OMA1: variants seen among roughly 807,000 people sequenced by gnomAD.
OMA1 encodes the protein metalloendopeptidase OMA1, mitochondrial.
Under a neutral mutation model 30.9 loss-of-function variants are expected in OMA1, and 38 were observed. That is an observed-to-expected ratio of 1.23 (90% CI 0.95 to 1.61). The LOEUF is 1.61. Among genes scored for constraint, OMA1 ranks in the 40% most tolerant of loss-of-function variants. OMA1 has a pLI of 0.00. For missense variants in OMA1, 461 were observed against 349.2 expected (o/e 1.32, Z -2.55); for synonymous variants, 173 against 121.9 (o/e 1.42, Z -2.76).
chr1:58,488,138 A>T (rs1028858703), intron 8 of OMA1, among the ~76,000 whole-genome samples: 2 of 152,222 alleles, frequency 1.3e-5, no homozygotes, highest in African/African-American at 2.4e-5. Context: ...GTAAAAACTC[A>T]TGAAAATATA....
At chr1:58,535,469 G>A (rs890497210) in intron 3 of OMA1, among the ~76,000 whole-genome samples, 2 of 151,832 alleles carry the variant, frequency 1.3e-5, no homozygotes, top group East Asian at 1.9e-4. Context: ...GGTGGCGCAC[G>A]CCTGTAGTCC....
rs576234150 is a variant in OMA1, at chr1:58,543,211, T to C, written c.-17+3492A>G. The stretch of plus-strand genomic sequence containing the variant: ...TGAGTTTCTGTATTCTGCAAATAAA[T>C]GATCTCTAAGACGTTTACATGGTAT... On this transcript the variant is annotated intron_variant, in intron 1 of 8. Coordinates refer to ENST00000371226, the MANE Select transcript of OMA1 (RefSeq NM_145243.5). Among the ~76,000 whole-genome samples the C allele has an allele frequency of 5.9e-5, 9 of 152,334 alleles. No homozygotes were observed. The South Asian group carries it at 1.4e-3, about 25-fold the overall frequency.
chr1:58,499,271 G>T (rs1026046161), intron 8 of OMA1, among the ~76,000 whole-genome samples: 1 of 124,250 alleles, frequency 8.0e-6, no homozygotes, highest in Non-Finnish European at 1.6e-5. Flanking sequence ...CAAAAAGTAT[G>T]AAGTTTTGCC....
chr1:58,523,638 A>G (rs6686976), intron 7 of OMA1, among the ~76,000 whole-genome samples: 20,977 of 152,090 alleles, frequency 0.14, 1,622 homozygotes, highest in African/African-American at 0.21. Flanking sequence ...AGTGGCTCAC[A>G]CCTGTAATCC....
intron 8 of OMA1, among the ~76,000 whole-genome samples, chr1:58,497,488 A>G (rs1645822778): frequency 6.6e-6 from 1 of 152,184 alleles, no homozygotes; most frequent in Admixed American, 6.6e-5. Context: ...AGTTCAGGAC[A>G]TATCATTCCA....
chr1:58,529,937 G>A (rs1646408250), intron 6 of OMA1, among the ~76,000 whole-genome samples: 1 of 151,964 alleles, frequency 6.6e-6, no homozygotes, highest in African/African-American at 2.4e-5. Flanking sequence ...CTGGAGTGCA[G>A]TGGCGCAATC....
chr1:58,481,620 T>C (rs1645483697), intron 8 of OMA1, among the ~76,000 whole-genome samples: 1 of 152,172 alleles, frequency 6.6e-6, no homozygotes, highest in Non-Finnish European at 1.5e-5. Flanking sequence ...GTAAAATTGA[T>C]GATAATAACC....
At chr1:58,527,184 A>G (rs1218712905) in intron 7 of OMA1, 77 bp downstream of exon 7, 1 of 809,946 alleles carries the variant, frequency 1.2e-6, no homozygotes, top group African/African-American at 1.7e-5. Context: ...GCTTATGCCA[A>G]GCCTCATTAA....
In OMA1 at chr1:58,545,037, T is replaced by C. The variant is rs182367664; in HGVS notation, c.-17+1666A>G. Among the ~76,000 whole-genome samples the C allele has an allele frequency of 2.1e-3, 317 of 152,294 alleles. 1 individual carries two copies. The highest frequency in any genetic ancestry group is 6.2e-3 in the African/African-American group (258 of 41,552). On this transcript the variant is annotated intron_variant, in intron 1 of 8. Transcript: ENST00000371226. ...GTCATGAGCCACCACGCCTGGACTT[T>C]CGTTGGTTTTCCATGGCTTCCACAA...
At chr1:58,545,467 T>C (rs1186057559) in intron 1 of OMA1, among the ~76,000 whole-genome samples, 1 of 151,748 alleles carries the variant, frequency 6.6e-6, no homozygotes, top group Non-Finnish European at 1.5e-5. Context: ...AATCTATTCA[T>C]GCATTTTCAA....
intron 7 of OMA1, among the ~76,000 whole-genome samples, chr1:58,516,105 G>T (rs1250994709): frequency 6.6e-6 from 1 of 152,132 alleles, no homozygotes; most frequent in Non-Finnish European, 1.5e-5. Context: ...GTGCTTTCCA[G>T]GCCACTATAG....
intron 7 of OMA1, among the ~76,000 whole-genome samples, chr1:58,513,829 G>C (rs1646119220): frequency 6.6e-6 from 1 of 152,158 alleles, no homozygotes; most frequent in Non-Finnish European, 1.5e-5. Context: ...TCACTTTACA[G>C]ATTAGATGAA....
At chr1:58,546,297 G>A (rs1007306524) in intron 1 of OMA1, among the ~76,000 whole-genome samples, 2 of 152,240 alleles carry the variant, frequency 1.3e-5, no homozygotes, top group African/African-American at 4.8e-5. Flanking sequence ...AGAGGTGCCG[G>A]GTGAGGAGCC....
At chr1:58,506,334 C>T (rs975350098) in intron 7 of OMA1, 125 bp from the exon 8 acceptor site, 18 of 583,274 alleles carry the variant, frequency 3.1e-5, no homozygotes, top group Non-Finnish European at 4.5e-5. Flanking sequence ...ATGTGCACAA[C>T]GTGCAGGTTT....
intron 7 of OMA1, among the ~76,000 whole-genome samples, chr1:58,514,493 G>T (rs551017469): frequency 1.1e-4 from 17 of 152,224 alleles, no homozygotes; most frequent in African/African-American, 4.1e-4. Context: ...CTCCAACAAA[G>T]CTCCTGTTAG....
At chr1:58,529,432 C>T (rs1646399476) in intron 6 of OMA1, among the ~76,000 whole-genome samples, 1 of 152,178 alleles carries the variant, frequency 6.6e-6, no homozygotes, top group African/African-American at 2.4e-5. Flanking sequence ...TTCAGTATTA[C>T]AGTGTTTTGG....
chr1:58,534,336 A>G lies in OMA1; in HGVS notation c.730-5T>C, dbSNP rs763089114. 1 of 834,728 alleles carries G rather than the reference A, an allele frequency of 1.2e-6. No homozygotes were observed. The highest frequency in any genetic ancestry group is 2.1e-6 in the Non-Finnish European group (1 of 487,468). 51.7% of individuals were successfully genotyped at this position (834,728 alleles called of 1,614,324 possible). ...ATTTTTAAATTCTTCCATCCACTGAAAGATTAAAAATTACTTCTTATTTTA... is the reference window on the plus strand; with the variant it reads ...ATTTTTAAATTCTTCCATCCACTGAGAGATTAAAAATTACTTCTTATTTTA... On this transcript the variant is annotated splice_polypyrimidine_tract_variant and splice_region_variant and intron_variant, in intron 3 of 8. Coordinates refer to ENST00000371226, the MANE Select transcript of OMA1 (RefSeq NM_145243.5).
rs751430868 is a variant in OMA1, at chr1:58,536,512, C to G, written c.729+1G>C. 5 of 870,140 alleles carry G rather than the reference C, an allele frequency of 5.7e-6. No homozygotes were observed. The South Asian group carries it at 6.6e-5, about 11-fold the overall frequency. 53.9% of individuals were successfully genotyped at this position (870,140 alleles called of 1,614,324 possible). A position where few individuals can be genotyped will look rare whatever the true frequency, so the allele number is the denominator to read the frequency against. On this transcript the variant is annotated splice_donor_variant, in intron 3 of 8. Transcript: ENST00000371226. LOFTEE classifies it high-confidence loss of function. ...AATTAAAAACAACTCTTACTACTTA[C>G]TGCTTCATATTCCAGTTCCGATAAA...
At chr1:58,526,631 A>T (rs58408512) in intron 7 of OMA1, among the ~76,000 whole-genome samples, 1,646 of 150,328 alleles carry the variant, frequency 0.011, 29 homozygotes, top group African/African-American at 0.038. Flanking sequence ...CATCTGCTAC[A>T]ACAAAAATAA....
Sources: allele counts gnomAD v4.1 joint callset (sites outside exome capture counted in the v4.1 genomes callset), GRCh38; gene constraint gnomAD v4.1.1; transcripts MANE v1.5; gene names NCBI Gene and HGNC (gene_info 2026-07-23, HGNC 2026-07-21).